Variants in RDX observed in about 807,000 individuals in gnomAD.
RDX encodes radixin.
RDX carries 32 observed loss-of-function variants against 83.7 expected under a neutral mutation model. The observed-to-expected ratio is 0.38, with a 90% CI of 0.29 to 0.51. The LOEUF (loss-of-function observed/expected upper bound fraction) is 0.51. Among genes scored for constraint, RDX ranks in the 20% least tolerant of loss-of-function variants. The pLI is 0.87. For synonymous variants in RDX, 229 were observed against 222.7 expected, an observed-to-expected ratio of 1.03 and a Z score of -0.25; for missense variants, 600 against 689.9, an observed-to-expected ratio of 0.87 and a Z score of 1.46.
At chr11:110,284,523 A>AT (rs1312179641) in intron 1 of RDX, among the ~76,000 whole-genome samples, 9 of 91,678 alleles carry the variant, frequency 9.8e-5, no homozygotes, top group Admixed American at 5.6e-4. Flanking sequence ...AGGTATTATT[A>AT]TTATTTTTTT....
At chr11:110,221,250 A>G (rs766927829) in intron 14 of RDX, among the ~76,000 whole-genome samples, 2 of 152,158 alleles carry the variant, frequency 1.3e-5, no homozygotes, top group African/African-American at 2.4e-5. Context: ...CTTTTGAGAC[A>G]AATCCTAGGC....
chr11:110,261,297 C>G (rs1221925230), intron 5 of RDX, among the ~76,000 whole-genome samples: 1 of 152,134 alleles, frequency 6.6e-6, no homozygotes, highest in Non-Finnish European at 1.5e-5. Flanking sequence ...CCCAGCCGCC[C>G]AAGTCAGAAA....
At chr11:110,208,333 C>T (rs1159612954) in intron 14 of RDX, among the ~76,000 whole-genome samples, 4 of 152,194 alleles carry the variant, frequency 2.6e-5, no homozygotes, top group Non-Finnish European at 1.5e-5. Flanking sequence ...AAACTATAAG[C>T]CTGTCTCAAA....
At chr11:110,191,071 A>AT (rs1457463265) in intron 15 of RDX, among the ~76,000 whole-genome samples, 1 of 152,176 alleles carries the variant, frequency 6.6e-6, no homozygotes, top group African/African-American at 2.4e-5. Context: ...GGAAGAGGGA[A>AT]TCCCCCCTAA....
intron 3 of RDX, among the ~76,000 whole-genome samples, chr11:110,270,743 A>T (rs535552492): frequency 6.6e-6 from 1 of 152,318 alleles, no homozygotes; most frequent in Admixed American, 6.5e-5. Context: ...CCCTATAATA[A>T]ATGGTTTCAT....
chr11:110,221,374 G>A lies in RDX; in HGVS notation c.1748+10499C>T, dbSNP rs553309521. Among the ~76,000 whole-genome samples the A allele has an allele frequency of 5.9e-5, 9 of 152,238 alleles. No individual in the cohort carries two copies. The East Asian group carries it at 1.5e-3, about 26-fold the overall frequency. ...GCACTTTGGGAGGCTGAGGTGGGCA[G>A]ATCACTTGAGGCCAGAAGTTTGAGA... On this transcript the variant is annotated intron_variant, in intron 14 of 15. Coordinates refer to the RDX transcript ENST00000528498.
intron 15 of RDX, among the ~76,000 whole-genome samples, chr11:110,197,871 T>C (rs1446389932): frequency 6.6e-6 from 1 of 151,930 alleles, no homozygotes; most frequent in African/African-American, 2.4e-5. Flanking sequence ...TCAAAGAGAG[T>C]GAGAGCAAAT....
At chr11:110,180,677 G>A (rs1862869267) in intron 15 of RDX, among the ~76,000 whole-genome samples, 1 of 147,158 alleles carries the variant, frequency 6.8e-6, no homozygotes, top group South Asian at 2.1e-4. Flanking sequence ...TTTTGAGACA[G>A]TCTCGCTCTG....
At chr11:110,227,624 T>C (rs1008285928), downstream of RDX, among the ~76,000 whole-genome samples, 1 of 152,084 alleles carries the variant, frequency 6.6e-6, no homozygotes, top group African/African-American at 2.4e-5. Flanking sequence ...ATGCAAATGA[T>C]CTAAGGCTAA....
chr11:110,227,233 A>T (rs1169629947), downstream of RDX, among the ~76,000 whole-genome samples: 1 of 152,156 alleles, frequency 6.6e-6, no homozygotes, highest in Non-Finnish European at 1.5e-5. Context: ...GTGCAAGAAG[A>T]ATTTCATATA....
intron 14 of RDX, among the ~76,000 whole-genome samples, chr11:110,215,037 A>C (rs1186645681): frequency 1.2e-4 from 12 of 96,310 alleles, no homozygotes; most frequent in East Asian, 8.8e-4. Flanking sequence ...GAGACCTAAC[A>C]AAAAAAAAAA....
chr11:110,254,055 A>G lies in RDX; in HGVS notation c.850T>C (p.Cys284Arg), dbSNP rs899794374. 17 of 1,613,790 alleles carry G rather than the reference A, an allele frequency of 1.1e-5. No individual in the cohort carries two copies. The highest frequency in any genetic ancestry group is 1.3e-5 in the African/African-American group (1 of 75,038). Residue 284 changes from cysteine (C) to arginine (R), a missense_variant, in exon 9 of 14, where the codon TGT (cysteine) becomes CGT (arginine). By Grantham distance (180) the Cys-to-Arg change is radical. Coordinates refer to ENST00000645495, the MANE Select transcript of RDX (RefSeq NM_002906.4). ...ATGTATAGTTCATGGTTTCCCATAC[A>G]TAAGGCCAAAATCCGCTTATTGATT... The part of the protein sequence containing the change: ...LRINKRILAL[C>R]MGNHELYMRR...
chr11:110,185,031 T>G (rs1862960177), intron 15 of RDX: 1 of 152,330 alleles, frequency 6.6e-6, no homozygotes, highest in Non-Finnish European at 1.5e-5. Context: ...ATGTTTGTAC[T>G]TTTACACTTC....
chr11:110,189,097 T>A (rs1863048011), intron 15 of RDX, among the ~76,000 whole-genome samples: 1 of 151,674 alleles, frequency 6.6e-6, no homozygotes, highest in African/African-American at 2.4e-5. Flanking sequence ...ACATCTACTA[T>A]CTTCAAGAGA....
chr11:110,212,719 A>G (rs1863883875), intron 14 of RDX, among the ~76,000 whole-genome samples: 4 of 112,174 alleles, frequency 3.6e-5, no homozygotes, highest in Non-Finnish European at 7.2e-5. Context: ...ATATAAACAG[A>G]GCCAAAGACA....
At chr11:110,250,128 G>GT (rs1249765528) in intron 9 of RDX, among the ~76,000 whole-genome samples, 4 of 152,160 alleles carry the variant, frequency 2.6e-5, no homozygotes, top group Non-Finnish European at 5.9e-5. Context: ...TCTAGAAGAC[G>GT]TGAGTTTAAG....
At chr11:110,235,983 C>T (rs758609072) in intron 12 of RDX, 116 bp downstream of exon 12, 37 of 768,160 alleles carry the variant, frequency 4.8e-5, no homozygotes, top group Admixed American at 7.9e-5. Flanking sequence ...ACACATAACA[C>T]GAGTATCTTT....
chr11:110,211,914 A>T (rs1365806296), intron 14 of RDX, among the ~76,000 whole-genome samples: 1 of 148,628 alleles, frequency 6.7e-6, no homozygotes, highest in African/African-American at 2.5e-5. Flanking sequence ...CTAACATCAC[A>T]ATTAAAACAA....
chr11:110,263,978 T>G lies in RDX; in HGVS notation c.449A>C (p.Asp150Ala), dbSNP rs1426337057. 6.2e-7 allele frequency: 1 copy of G among 1,613,788 alleles called. No individual in the cohort carries two copies. Among genetic ancestry groups the G allele is most frequent in the South Asian group, 1.1e-5 (1 of 91,056 alleles). The change falls in exon 5 of 14, where the codon GAT becomes GCT. Residue 150 changes from aspartate (D) to alanine (A), a missense_variant. Transcript: ENST00000645495. The stretch of plus-strand genomic sequence containing the variant: ...CACTTACCGCTGGGGTAGGAGTCTA[T>G]CATTAGCCAGGTAGCCTGGCTTATG... Reference protein sequence around the residue: ...EIHKPGYLANDRLLPQRVLEQ... With the variant: ...EIHKPGYLANARLLPQRVLEQ...
Sources: gnomAD v4.1 joint callset for allele counts (sites outside exome capture counted in the v4.1 genomes callset) on GRCh38, gnomAD v4.1.1 for gene constraint, MANE v1.5 for transcripts, NCBI Gene and HGNC (gene_info 2026-07-23, HGNC 2026-07-21) for gene names.